The following ELMO1 variants were observed in gnomAD, a reference collection of about 807,000 sequenced individuals.
The protein encoded by ELMO1 is engulfment and cell motility 1.
In ELMO1, 26 loss-of-function variants were observed where a neutral mutation model predicts 98.9. The ratio of observed to expected loss-of-function variants is 0.26; its 90% CI spans 0.19 to 0.36. The LOEUF is 0.36. Among genes scored for constraint, ELMO1 ranks in the 10% least tolerant of loss-of-function variants. The pLI is 1.00. For missense variants in ELMO1, 627 were observed against 935.2 expected (o/e 0.67, Z 4.30); for synonymous variants, 346 against 346.0 (o/e 1.00, Z 0.00).
At chr7:37,397,166 C>G (rs1222579969) in intron 1 of ELMO1, among the ~76,000 whole-genome samples, 1 of 152,180 alleles carries the variant, frequency 6.6e-6, no homozygotes, top group Non-Finnish European at 1.5e-5. Flanking sequence ...ATTTAATTTA[C>G]TTATATATCA....
intron 5 of ELMO1, among the ~76,000 whole-genome samples, chr7:37,266,575 C>A (rs1254531545): frequency 1.3e-5 from 2 of 152,164 alleles, no homozygotes; most frequent in Non-Finnish European, 2.9e-5. Context: ...ATAGGGTTCA[C>A]AAAAAAATCT....
rs1470586967 is a variant in ELMO1 at position 37,048,960 on chromosome 7, A to G, written c.1301-35525T>C. 3.9e-5 allele frequency among the ~76,000 whole-genome samples: 6 copies of G among 152,266 alleles called. No homozygotes were observed. In the East Asian group the frequency reaches 5.8e-4, roughly 15 times the overall value. On this transcript the variant is annotated intron_variant, in intron 15 of 21. Coordinates refer to ENST00000310758, the MANE Select transcript of ELMO1 (RefSeq NM_014800.11). Reference sequence around the variant, plus strand: ...AACAGAATGGAAATGGCGATTCCCAATGAGTTTAGGGGAAGTGACGTGGTG... The same window carrying G: ...AACAGAATGGAAATGGCGATTCCCAGTGAGTTTAGGGGAAGTGACGTGGTG...
At chr7:36,994,770 G>C (rs1792091485) in intron 16 of ELMO1, among the ~76,000 whole-genome samples, 1 of 152,222 alleles carries the variant, frequency 6.6e-6, no homozygotes, top group African/African-American at 2.4e-5. Flanking sequence ...TTTCTTAAGT[G>C]TATCACATCT....
chr7:37,054,563 T>C (rs1159763054), intron 15 of ELMO1, among the ~76,000 whole-genome samples: 1 of 152,248 alleles, frequency 6.6e-6, no homozygotes, highest in African/African-American at 2.4e-5. Context: ...TAATGTTTCA[T>C]TAAATATTTT....
intron 18 of ELMO1, among the ~76,000 whole-genome samples, chr7:36,881,356 C>T (rs1804438899): frequency 1.3e-5 from 2 of 152,216 alleles, no homozygotes; most frequent in African/African-American, 2.4e-5. Flanking sequence ...CCACCAGCAG[C>T]AGCTTGATTT....
At chr7:37,233,667 T>C (rs1254939000) in intron 7 of ELMO1, among the ~76,000 whole-genome samples, 3 of 152,252 alleles carry the variant, frequency 2.0e-5, no homozygotes, top group African/African-American at 7.2e-5. Context: ...GCTTCCTTTA[T>C]TACCCATACA....
At chr7:37,218,615 C>T (rs1273297320) in intron 10 of ELMO1, among the ~76,000 whole-genome samples, 2 of 152,054 alleles carry the variant, frequency 1.3e-5, no homozygotes, top group African/African-American at 4.8e-5. Context: ...TAGATAGCTA[C>T]AAATATGAAT....
chr7:37,028,243 C>T (rs1267165762), intron 15 of ELMO1, among the ~76,000 whole-genome samples: 1 of 152,128 alleles, frequency 6.6e-6, no homozygotes, highest in Non-Finnish European at 1.5e-5. Flanking sequence ...TTGCTGCTCA[C>T]TGGAGAAGTA....
At chr7:37,198,587 C>G (rs754444907) in intron 13 of ELMO1, among the ~76,000 whole-genome samples, 10 of 152,338 alleles carry the variant, frequency 6.6e-5, no homozygotes, top group Admixed American at 1.3e-4. Context: ...GGCAGTCTGG[C>G]ACCAAAGGCT....
chr7:37,106,884 G>A (rs747938129), intron 14 of ELMO1, among the ~76,000 whole-genome samples: 13 of 152,148 alleles, frequency 8.5e-5, no homozygotes, highest in Non-Finnish European at 1.3e-4. Context: ...ATCACCTGGA[G>A]ACCTTGTTAA....
At chr7:37,207,482 T>C (rs1792703039) in intron 13 of ELMO1, among the ~76,000 whole-genome samples, 1 of 151,942 alleles carries the variant, frequency 6.6e-6, no homozygotes, top group Non-Finnish European at 1.5e-5. Context: ...ACCTGGGAGA[T>C]GGAGGTTACA....
At chr7:36,897,749 C>T (rs1302173011) in intron 16 of ELMO1, among the ~76,000 whole-genome samples, 1 of 152,156 alleles carries the variant, frequency 6.6e-6, no homozygotes, top group Non-Finnish European at 1.5e-5. Context: ...CTCCTAGAGC[C>T]CCATTCCTCT....
chr7:37,371,675 C>A (rs1011180640), intron 1 of ELMO1, among the ~76,000 whole-genome samples: 2 of 152,226 alleles, frequency 1.3e-5, no homozygotes, highest in Non-Finnish European at 2.9e-5. Context: ...AGAAGTCAGG[C>A]GCACATTTTC....
intron 2 of ELMO1, among the ~76,000 whole-genome samples, chr7:37,331,333 C>CTTTTGTTTTTTTTTTTTTT (rs1800100713): frequency 3.5e-5 from 1 of 28,716 alleles, no homozygotes; most frequent in African/African-American, 1.1e-4. Flanking sequence ...CCACGCCTGG[C>CTTTTGTTTTTTTTTTTTTT]TTTTTTTTTT....
chr7:37,213,283 A>T (rs928223461), intron 12 of ELMO1, 52 bp downstream of exon 12: 9 of 1,582,560 alleles, frequency 5.7e-6, no homozygotes, highest in Non-Finnish European at 7.7e-6. Flanking sequence ...AAGACTTTTA[A>T]TGACACTTTC....
chr7:37,378,355 A>AACCTGC (rs1802443557), intron 1 of ELMO1, among the ~76,000 whole-genome samples: 1 of 152,198 alleles, frequency 6.6e-6, no homozygotes, highest in Non-Finnish European at 1.5e-5. Flanking sequence ...GCAGATCTGA[A>AACCTGC]ACCTGCACCA....
intron 6 of ELMO1, among the ~76,000 whole-genome samples, chr7:37,258,223 G>A (rs543509676): frequency 4.6e-5 from 7 of 152,024 alleles, no homozygotes; most frequent in African/African-American, 1.2e-4. Context: ...AACCGAGATC[G>A]TCCCACTACA....
intron 16 of ELMO1, among the ~76,000 whole-genome samples, chr7:36,898,621 C>A (rs1239005956): frequency 2.0e-5 from 3 of 152,188 alleles, no homozygotes; most frequent in African/African-American, 7.2e-5. Context: ...ATGTCCCCTG[C>A]TCTCACTGTT....
At chr7:36,909,532 G>A (rs935218647) in intron 16 of ELMO1, among the ~76,000 whole-genome samples, 59 of 152,226 alleles carry the variant, frequency 3.9e-4, no homozygotes, top group African/African-American at 1.3e-3. Context: ...GGGGACATGC[G>A]CCATTGAACA....
Sources: allele counts gnomAD v4.1 joint callset (sites outside exome capture counted in the v4.1 genomes callset), GRCh38; gene constraint gnomAD v4.1.1; transcripts MANE v1.5; gene names NCBI Gene and HGNC (gene_info 2026-07-23, HGNC 2026-07-21).